PAK5: variants seen among roughly 807,000 people sequenced by gnomAD.
The protein encoded by PAK5 is p21 (RAC1) activated kinase 5.
PAK5 carries 16 observed loss-of-function variants against 65.9 expected under a neutral mutation model. That is an observed-to-expected ratio of 0.24 (90% confidence interval 0.16 to 0.37). The LOEUF is 0.37. PAK5 is among the 10% of genes least tolerant of loss of function. The pLI is 1.00. For missense variants in PAK5, 785 were observed against 903.9 expected (o/e 0.87, Z 1.69); for synonymous variants, 371 against 354.9 (o/e 1.05, Z -0.51).
chr20:9,610,439 G>T (rs984082290), intron 3 of PAK5, among the ~76,000 whole-genome samples: 2 of 152,176 alleles, frequency 1.3e-5, no homozygotes, highest in Non-Finnish European at 2.9e-5. Flanking sequence ...TTTTGATGTG[G>T]TTCCATCCCA....
At chr20:9,646,335 C>T (rs147269603) in intron 2 of PAK5, among the ~76,000 whole-genome samples, 17 of 152,294 alleles carry the variant, frequency 1.1e-4, no homozygotes, top group South Asian at 8.3e-4. Flanking sequence ...CCCTGGACTC[C>T]GTCAAAACCC....
intron 4 of PAK5, among the ~76,000 whole-genome samples, chr20:9,578,375 A>G (rs1319420523): frequency 2.0e-5 from 3 of 152,220 alleles, no homozygotes; most frequent in African/African-American, 7.2e-5. Flanking sequence ...TCCAGAATTA[A>G]GAGTTCTAAA....
intron 1 of PAK5, among the ~76,000 whole-genome samples, chr20:9,807,197 G>C (rs2049243189): frequency 6.6e-6 from 1 of 152,192 alleles, no homozygotes; most frequent in South Asian, 2.1e-4. Context: ...ATAAAGGAAT[G>C]TGTTCTGTGG....
At chr20:9,748,629 G>A (rs1416665055) in intron 1 of PAK5, among the ~76,000 whole-genome samples, 4 of 152,054 alleles carry the variant, frequency 2.6e-5, no homozygotes, top group Non-Finnish European at 5.9e-5. Context: ...ACATACTACA[G>A]TAAAGTGCAC....
chr20:9,651,733 A>ATAC (rs2047205794), intron 2 of PAK5, among the ~76,000 whole-genome samples: 1 of 152,160 alleles, frequency 6.6e-6, no homozygotes, highest in Non-Finnish European at 1.5e-5. Context: ...GGCAGAAGCC[A>ATAC]TACTGAAGAC....
At chr20:9,580,084 G>C (rs2045950300) in intron 4 of PAK5, 61 bp downstream of exon 4, 8 of 1,413,178 alleles carry the variant, frequency 5.7e-6, no homozygotes, top group Non-Finnish European at 6.8e-6. Flanking sequence ...AAAAGGTCGT[G>C]CCAGCACCAC....
chr20:9,672,225 T>C (rs1004807940), intron 2 of PAK5, among the ~76,000 whole-genome samples: 1 of 151,556 alleles, frequency 6.6e-6, no homozygotes, highest in Non-Finnish European at 1.5e-5. Context: ...TATGCTTACA[T>C]GACAATAACT....
At chr20:9,686,979 G>A (rs1436208582) in intron 2 of PAK5, among the ~76,000 whole-genome samples, 1 of 152,176 alleles carries the variant, frequency 6.6e-6, no homozygotes, top group Non-Finnish European at 1.5e-5. Flanking sequence ...AGTTCTGCTA[G>A]GGAACTCTGA....
intron 3 of PAK5, among the ~76,000 whole-genome samples, chr20:9,612,318 G>A (rs866369654): frequency 1.3e-4 from 20 of 152,120 alleles, no homozygotes; most frequent in Non-Finnish European, 1.9e-4. Context: ...GTATTTGGCC[G>A]TTCTCACACT....
At chr20:9,660,821 G>T (rs2047335453) in intron 2 of PAK5, among the ~76,000 whole-genome samples, 1 of 152,046 alleles carries the variant, frequency 6.6e-6, no homozygotes. Context: ...CCTGAAGAAG[G>T]GTAAGCAAAG....
intron 2 of PAK5, among the ~76,000 whole-genome samples, chr20:9,689,156 C>T (rs79611893): frequency 0.012 from 1,870 of 152,298 alleles, 42 homozygotes; most frequent in African/African-American, 0.042. Context: ...TCAGGTACTG[C>T]TTCATTTGTT....
intron 2 of PAK5, among the ~76,000 whole-genome samples, chr20:9,685,721 T>C (rs1434462073): frequency 6.6e-6 from 1 of 152,234 alleles, no homozygotes; most frequent in Non-Finnish European, 1.5e-5. Context: ...ATCTGTATAA[T>C]TGGGATGTTC....
At chr20:9,685,603 C>G (rs566867959) in intron 2 of PAK5, among the ~76,000 whole-genome samples, 4 of 152,154 alleles carry the variant, frequency 2.6e-5, no homozygotes, top group African/African-American at 7.2e-5. Context: ...ACTTCCAGCT[C>G]CAGAACTTGG....
chr20:9,708,892 A>G (rs1268173480), intron 2 of PAK5, among the ~76,000 whole-genome samples: 1 of 151,234 alleles, frequency 6.6e-6, no homozygotes, highest in African/African-American at 2.4e-5. Flanking sequence ...ACCCCTCTTG[A>G]TCACAGAAAC....
At chr20:9,568,138 G>A (rs1030740244) in intron 4 of PAK5, among the ~76,000 whole-genome samples, 3 of 152,162 alleles carry the variant, frequency 2.0e-5, no homozygotes, top group African/African-American at 7.2e-5. Context: ...CTTTTGCTCC[G>A]AGTGAGGTGG....
intron 1 of PAK5, among the ~76,000 whole-genome samples, chr20:9,733,691 C>T (rs563642924): frequency 6.2e-4 from 94 of 152,098 alleles, no homozygotes; most frequent in Non-Finnish European, 1.2e-3. Context: ...GTGATCCACC[C>T]GCCTCATCCT....
chr20:9,617,549 C>CTTTTTT (rs532259417), intron 3 of PAK5, among the ~76,000 whole-genome samples: 30 of 94,614 alleles, frequency 3.2e-4, no homozygotes, highest in South Asian at 1.5e-3. Context: ...AATCCCAATC[C>CTTTTTT]TTTTTTTTTT....
intron 7 of PAK5, 72 bp from the exon 8 acceptor site, chr20:9,544,566 A>C: frequency 7.1e-7 from 1 of 1,407,682 alleles, no homozygotes. Flanking sequence ...ATACAAACAT[A>C]CAGAGTTTCA....
At chr20:9,688,139 G>T (rs1379987959) in intron 2 of PAK5, among the ~76,000 whole-genome samples, 1 of 152,048 alleles carries the variant, frequency 6.6e-6, no homozygotes, top group African/African-American at 2.4e-5. Flanking sequence ...CCAGAGAACA[G>T]CCATGGTGGA....
Sources: allele counts gnomAD v4.1 joint callset (sites outside exome capture counted in the v4.1 genomes callset), GRCh38; gene constraint gnomAD v4.1.1; transcripts MANE v1.5; gene names NCBI Gene and HGNC (gene_info 2026-07-23, HGNC 2026-07-21).